Variants in TSGA10 observed in about 807,000 individuals in gnomAD.
The protein encoded by TSGA10 is testis-specific gene 10 protein.
TSGA10 carries 43 observed loss-of-function variants against 96.6 expected under a neutral mutation model. The observed-to-expected ratio is 0.44, with a 90% CI of 0.35 to 0.57. The LOEUF is 0.57. TSGA10 is among the 20% of genes least tolerant of loss of function. The pLI is 0.01. For synonymous variants in TSGA10, 229 were observed against 269.9 expected (o/e 0.85, Z 1.48); for missense variants, 703 against 834.4 (o/e 0.84, Z 1.94).
At chr2:99,144,819 G>A (rs2093615856) in intron 1 of TSGA10, among the ~76,000 whole-genome samples, 1 of 152,100 alleles carries the variant, frequency 6.6e-6, no homozygotes, top group African/African-American at 2.4e-5. Flanking sequence ...TTCAGGCTGG[G>A]GGAACTGTAA....
chr2:99,012,208 A>T (rs1286579399), intron 20 of TSGA10, among the ~76,000 whole-genome samples: 2 of 152,340 alleles, frequency 1.3e-5, no homozygotes, highest in Middle Eastern at 3.4e-3. Context: ...ATACATCAAA[A>T]TAGAAGCTCC....
chr2:99,109,390 C>T lies in TSGA10; in HGVS notation c.50G>A (p.Arg17Gln), dbSNP rs765061894. The change falls in exon 6 of 21, where the codon CGG becomes CAG. Residue 17 changes from arginine to glutamine, a missense_variant and splice_region_variant. By Grantham distance (43) the Arg-to-Gln change is conservative (BLOSUM62 1). Transcript: ENST00000393483. ...KSPRRPSPTA[R>Q]GANCDVELLK... is the part of the protein sequence containing the mutation. Reference sequence around the variant, plus strand: ...TATTTGTAAGTTTATAAAACCTACCCGGGCAGTTGGTGATGGGCGTCTTGG... The same window carrying T: ...TATTTGTAAGTTTATAAAACCTACCTGGGCAGTTGGTGATGGGCGTCTTGG... 3.5e-5 allele frequency: 56 copies of T among 1,613,706 alleles called. No individual in the cohort carries two copies. The Middle Eastern group carries it at 4.9e-4, about 14-fold the overall frequency.
chr2:99,100,356 T>C (rs2090544744), intron 10 of TSGA10, among the ~76,000 whole-genome samples: 1 of 152,204 alleles, frequency 6.6e-6, no homozygotes, highest in South Asian at 2.1e-4. Context: ...AACAGATTAT[T>C]GACCCTAGAA....
At chr2:99,047,173 A>G (rs1474481508) in intron 16 of TSGA10, among the ~76,000 whole-genome samples, 1 of 152,244 alleles carries the variant, frequency 6.6e-6, no homozygotes, top group Non-Finnish European at 1.5e-5. Flanking sequence ...TTTCCTTCTG[A>G]AAGTATTCCA....
chr2:99,018,212 C>T lies in TSGA10; in HGVS notation c.2060G>A (p.Arg687Gln), dbSNP rs148460657. The T allele has an allele frequency of 2.5e-6, 4 of 1,613,632 alleles. No homozygotes were observed. The highest frequency in any genetic ancestry group is 1.6e-4 in the Middle Eastern group (1 of 6,084). The part of the protein sequence containing the change: ...HHRSPDRGLD[R>Q]SLEENLCYRD... ...TAAATAGACTCACTCTTCTAATGAT[C>T]GATCTAGGCCTCGGTCAGGAGATCG... is the stretch of plus-strand genomic sequence containing the variant. Residue 687 changes from arginine (R) to glutamine (Q), a missense_variant, in exon 20 of 21, where the codon CGA (arginine) becomes CAA (glutamine). Coordinates refer to ENST00000393483, the MANE Select transcript of TSGA10 (RefSeq NM_025244.4).
At chr2:99,051,047 A>G (rs1231131147) in intron 16 of TSGA10, among the ~76,000 whole-genome samples, 1 of 152,198 alleles carries the variant, frequency 6.6e-6, no homozygotes, top group Non-Finnish European at 1.5e-5. Flanking sequence ...AGATTAAACC[A>G]TCTAGGTTTC....
At chr2:99,108,772 G>T in intron 7 of TSGA10, 61 bp downstream of exon 7, 1 of 1,266,764 alleles carries the variant, frequency 7.9e-7, no homozygotes, top group South Asian at 1.8e-5. Context: ...ACTCAAAGAA[G>T]AATTACATAA....
chr2:99,083,076 A>G (rs1483856624), intron 10 of TSGA10, among the ~76,000 whole-genome samples: 1 of 152,200 alleles, frequency 6.6e-6, no homozygotes, highest in Non-Finnish European at 1.5e-5. Flanking sequence ...GTTAACAGAC[A>G]TAAAAGACAG....
At chr2:99,020,544 T>G in intron 17 of TSGA10, 62 bp from the exon 18 acceptor site, 2 of 1,258,044 alleles carry the variant, frequency 1.6e-6, no homozygotes, top group Non-Finnish European at 2.2e-6. Context: ...TATTATATTA[T>G]CAGGGACTCA....
At chr2:99,008,189 G>T (rs971000407) in intron 20 of TSGA10, among the ~76,000 whole-genome samples, 1 of 152,032 alleles carries the variant, frequency 6.6e-6, no homozygotes, top group South Asian at 2.1e-4. Flanking sequence ...TAAAGGAAAA[G>T]CTTTAAAATC....
rs751118615 is a variant in TSGA10 at position 99,018,531 on chromosome 2, C to T, written c.1922+5G>A. 1 of 1,612,006 alleles carries T rather than the reference C, an allele frequency of 6.2e-7. No individual in the cohort carries two copies. The highest frequency in any genetic ancestry group is 1.3e-5 in the African/African-American group (1 of 74,840). On this transcript the variant is annotated splice_donor_5th_base_variant and intron_variant, in intron 19 of 20. Transcript: ENST00000393483. ...GTTTTTGAGCTTGCATAGAGATAAA[C>T]TTACCTTTCAAAGCGCTCTGTTCCT... is the stretch of plus-strand genomic sequence containing the variant.
chr2:99,101,369 T>C (rs1054617581), intron 10 of TSGA10, among the ~76,000 whole-genome samples: 3 of 151,916 alleles, frequency 2.0e-5, no homozygotes, highest in Admixed American at 2.0e-4. Flanking sequence ...GGTCTTGCTA[T>C]GTTGCCTAGG....
intron 1 of TSGA10, among the ~76,000 whole-genome samples, chr2:99,132,595 GTC>G (rs1255625332): frequency 6.6e-6 from 1 of 152,060 alleles, no homozygotes; most frequent in East Asian, 1.9e-4. Context: ...GGCTTTTCGT[GTC>G]TCTATCTCCT....
intron 4 of TSGA10, chr2:99,117,084 T>C (rs1481271023): frequency 6.6e-6 from 1 of 152,258 alleles, no homozygotes; most frequent in African/African-American, 2.4e-5. Context: ...CTCTGTGACA[T>C]ACTGATTTCC....
chr2:99,152,485 A>G (rs1334569102), intron 1 of TSGA10, among the ~76,000 whole-genome samples: 1 of 152,138 alleles, frequency 6.6e-6, no homozygotes, highest in Non-Finnish European at 1.5e-5. Context: ...GAGTCTTACA[A>G]TGTTACCCAG....
At chr2:99,006,905 T>A (rs2078533301) in intron 20 of TSGA10, among the ~76,000 whole-genome samples, 1 of 152,110 alleles carries the variant, frequency 6.6e-6, no homozygotes, top group South Asian at 2.1e-4. Context: ...CAAATGTCCA[T>A]CAATGATAGA....
At chr2:99,088,514 G>A (rs2088859505) in intron 10 of TSGA10, among the ~76,000 whole-genome samples, 4 of 152,122 alleles carry the variant, frequency 2.6e-5, no homozygotes. Context: ...CATACAATAG[G>A]TATCTTAGCA....
chr2:99,011,395 G>A (rs940984554), intron 20 of TSGA10, among the ~76,000 whole-genome samples: 2 of 152,116 alleles, frequency 1.3e-5, no homozygotes, highest in Admixed American at 1.3e-4. Flanking sequence ...GCCTCCCAAA[G>A]TGCTGGGATT....
intron 10 of TSGA10, among the ~76,000 whole-genome samples, chr2:99,090,791 C>T (rs1307158980): frequency 6.6e-6 from 1 of 152,086 alleles, no homozygotes. Context: ...AACAACCAAA[C>T]CTAAAAATAA....
Sources: gnomAD v4.1 joint callset for allele counts (sites outside exome capture counted in the v4.1 genomes callset) on GRCh38, gnomAD v4.1.1 for gene constraint, MANE v1.5 for transcripts, NCBI Gene and HGNC (gene_info 2026-07-23, HGNC 2026-07-21) for gene names.